The following DDX19B variants were observed in gnomAD, a reference collection of about 807,000 sequenced individuals.
DDX19B encodes the protein ATP-dependent RNA helicase DDX19B.
A neutral mutation model predicts 58.1 loss-of-function variants in DDX19B; 27 were observed. The observed-to-expected ratio is 0.46, with a 90% CI of 0.34 to 0.64. The LOEUF (loss-of-function observed/expected upper bound fraction) is 0.64. Among genes scored for constraint, DDX19B ranks in the 30% least tolerant of loss-of-function variants. The pLI, the probability that DDX19B is intolerant of heterozygous loss-of-function variation, is 0.01. For synonymous variants in DDX19B, 187 were observed against 214.4 expected (o/e 0.87, Z 1.12); for missense variants, 399 against 596.5 (o/e 0.67, Z 3.45).
At chr16:70,297,255 C>CA (rs1367410025), upstream of DDX19B, among the ~76,000 whole-genome samples, 1 of 151,680 alleles carries the variant, frequency 6.6e-6, no homozygotes, top group African/African-American at 2.4e-5. Flanking sequence ...ACTCGTCGCC[C>CA]AGGCTGCAGT....
chr16:70,304,060 G>C (rs1349934377), intron 1 of DDX19B, among the ~76,000 whole-genome samples: 1 of 149,606 alleles, frequency 6.7e-6, no homozygotes, highest in Non-Finnish European at 1.5e-5. Context: ...TTTTTTTTGA[G>C]GCGGAGTCTG....
chr16:70,331,918 G>A (rs1157350310), intron 10 of DDX19B, 34 bp downstream of exon 10: 14 of 1,606,048 alleles, frequency 8.7e-6, no homozygotes, highest in Non-Finnish European at 1.1e-5. Context: ...TGGTCTGCCA[G>A]GCTTGGGGTC....
intron 1 of DDX19B, 24 bp from the exon 2 acceptor site, chr16:70,312,585 C>T (rs746048811): frequency 1.3e-5 from 21 of 1,609,556 alleles, no homozygotes; most frequent in Non-Finnish European, 1.7e-5. Flanking sequence ...GACACTTTCC[C>T]CCTCCCCCAT....
chr16:70,320,314 C>T (rs1962699525), intron 5 of DDX19B, among the ~76,000 whole-genome samples: 1 of 151,266 alleles, frequency 6.6e-6, no homozygotes, highest in South Asian at 2.1e-4. Context: ...TGCTATGTTG[C>T]CCAGACTGGT....
chr16:70,318,432 C>T (rs1962564713), intron 5 of DDX19B, among the ~76,000 whole-genome samples: 1 of 151,576 alleles, frequency 6.6e-6, no homozygotes, highest in Non-Finnish European at 1.5e-5. Context: ...CCTCTCCCCA[C>T]ATTATTAACA....
At chr16:70,298,018 C>G (rs926250565), upstream of DDX19B, among the ~76,000 whole-genome samples, 8 of 152,198 alleles carry the variant, frequency 5.3e-5, no homozygotes, top group Admixed American at 2.0e-4. Context: ...TGTGCCTGGC[C>G]AATCCTGGCA....
At chr16:70,331,942 G>A in intron 10 of DDX19B, 58 bp downstream of exon 10, 2 of 1,594,960 alleles carry the variant, frequency 1.3e-6, no homozygotes, top group Non-Finnish European at 1.7e-6. Context: ...GGCCCAGTTA[G>A]AGCCAGAAAT....
intron 4 of DDX19B, chr16:70,317,207 CAAAAAAA>C (rs562635193): frequency 4.2e-4 from 23 of 54,530 alleles, no homozygotes; most frequent in African/African-American, 1.2e-3. Flanking sequence ...GACTCTGTCT[CAAAAAAA>C]AAAAAAAAAA....
intron 5 of DDX19B, among the ~76,000 whole-genome samples, chr16:70,322,048 A>T (rs981356492): frequency 3.3e-5 from 5 of 150,936 alleles, no homozygotes; most frequent in African/African-American, 1.2e-4. Context: ...AAAAAAAAAA[A>T]TTAATAATAA....
At chr16:70,294,789 G>A (rs146441809), upstream of DDX19B, 3 of 1,362,764 alleles carry the variant, frequency 2.2e-6, no homozygotes, top group East Asian at 2.7e-5. Context: ...TGAGGCTCCG[G>A]CTTGGCCAGT....
chr16:70,317,838 AG>A, intron 5 of DDX19B: 1 of 253,480 alleles, frequency 3.9e-6, no homozygotes, highest in Non-Finnish European at 7.7e-6. Context: ...CCAGCTACTC[AG>A]GAGGCTGAGG....
At chr16:70,324,050 A>T (rs1241646226) in intron 5 of DDX19B, among the ~76,000 whole-genome samples, 1 of 152,060 alleles carries the variant, frequency 6.6e-6, no homozygotes, top group East Asian at 1.9e-4. Flanking sequence ...AGTAAGGGAG[A>T]GAGAGTAGTA....
At chr16:70,300,007 C>T (rs1018483027) in intron 1 of DDX19B, among the ~76,000 whole-genome samples, 7 of 152,024 alleles carry the variant, frequency 4.6e-5, no homozygotes, top group Non-Finnish European at 8.8e-5. Context: ...ATTAATTTCT[C>T]CCACCGAAAC....
upstream of DDX19B, chr16:70,295,044 AT>A: frequency 7.7e-7 from 1 of 1,303,934 alleles, no homozygotes; most frequent in Non-Finnish European, 9.8e-7. Flanking sequence ...TAGCCTTGTG[AT>A]CTAGAATCCG....
chr16:70,319,984 T>A, intron 5 of DDX19B, among the ~76,000 whole-genome samples: 1 of 152,204 alleles, frequency 6.6e-6, no homozygotes, highest in South Asian at 2.1e-4. Context: ...TTTCTCCAGA[T>A]GGATAGTGTC....
At chr16:70,332,824 C>A in intron 10 of DDX19B, 144 bp from the exon 11 acceptor site, 1 of 1,473,514 alleles carries the variant, frequency 6.8e-7, no homozygotes, top group East Asian at 2.3e-5. Context: ...CCTTTCAGAT[C>A]TGGCTTCCTG....
At chr16:70,315,386 CAAAAAAA>C (rs750665674) in intron 3 of DDX19B, among the ~76,000 whole-genome samples, 1 of 54,614 alleles carries the variant, frequency 1.8e-5, no homozygotes, top group East Asian at 5.8e-4. Context: ...GACTCTGTCT[CAAAAAAA>C]AAAAAAAAAA....
At chr16:70,312,920 T>G (rs991233500) in intron 2 of DDX19B, among the ~76,000 whole-genome samples, 1 of 152,204 alleles carries the variant, frequency 6.6e-6, no homozygotes, top group Non-Finnish European at 1.5e-5. Context: ...CATGGTTCAC[T>G]GGAGCCTCAA....
intron 5 of DDX19B, among the ~76,000 whole-genome samples, chr16:70,323,553 A>G (rs928245356): frequency 4.0e-5 from 6 of 151,328 alleles, no homozygotes; most frequent in African/African-American, 7.3e-5. Flanking sequence ...CCTCCCAAGG[A>G]GCTGGGACTA....
Sources: allele counts gnomAD v4.1 joint callset (sites outside exome capture counted in the v4.1 genomes callset), GRCh38; gene constraint gnomAD v4.1.1; transcripts MANE v1.5; gene names NCBI Gene and HGNC (gene_info 2026-07-23, HGNC 2026-07-21).